Variants in THRB observed in about 807,000 individuals in gnomAD.
The protein encoded by THRB is thyroid hormone receptor beta, also known as nuclear receptor subfamily 1 group A member 2.
THRB carries 12 observed loss-of-function variants against 47.8 expected under a neutral mutation model. That is an observed-to-expected ratio of 0.25 (90% CI 0.16 to 0.41). THRB has a LOEUF of 0.41. Ranked by LOEUF, THRB falls within the 10% of genes least tolerant of loss-of-function variation. The pLI is 1.00. For synonymous variants in THRB, 218 were observed against 212.2 expected, an observed-to-expected ratio of 1.03 and a Z score of -0.24; for missense variants, 348 against 589.2, an observed-to-expected ratio of 0.59 and a Z score of 4.24.
At chr3:24,261,732 T>A (rs1230374911) in intron 3 of THRB, among the ~76,000 whole-genome samples, 1 of 152,194 alleles carries the variant, frequency 6.6e-6, no homozygotes, top group Non-Finnish European at 1.5e-5. Flanking sequence ...CCAAATCCTA[T>A]GCAATTCTTG....
intron 5 of THRB, among the ~76,000 whole-genome samples, chr3:24,178,742 T>C (rs2041499566): frequency 6.6e-6 from 1 of 151,762 alleles, no homozygotes; most frequent in African/African-American, 2.4e-5. Flanking sequence ...CAGACTAGAG[T>C]AGAATGGTGA....
Position 24,133,312 on chromosome 3 carries a change from T to G in THRB, c.885+4A>C, listed in dbSNP as rs113930382. The G allele has an allele frequency of 6.2e-7, 1 of 1,613,930 alleles. No homozygotes were observed. The highest frequency in any genetic ancestry group is 8.5e-7 in the Non-Finnish European group (1 of 1,179,934). ...TAATGCAGAAGGAAAAACAACATCC[T>G]CACCTCACAAAACATAGGCAACTTT... On this transcript the variant is annotated splice_donor_region_variant and intron_variant, in intron 9 of 10. Transcript: ENST00000646209.
At chr3:24,396,841 A>T (rs780363817) in intron 1 of THRB, among the ~76,000 whole-genome samples, 4 of 152,156 alleles carry the variant, frequency 2.6e-5, no homozygotes, top group Non-Finnish European at 4.4e-5. Context: ...AATGCTGGGA[A>T]AATGCAATGC....
intron 3 of THRB, among the ~76,000 whole-genome samples, chr3:24,279,585 C>CTTTTTTTTTT (rs2054320910): frequency 6.8e-6 from 1 of 147,762 alleles, no homozygotes. Flanking sequence ...TTAGTAGAGA[C>CTTTTTTTTTT]GGGGTTTCAC....
intron 1 of THRB, among the ~76,000 whole-genome samples, chr3:24,456,155 C>T (rs1327264672): frequency 6.6e-6 from 1 of 151,922 alleles, no homozygotes; most frequent in African/African-American, 2.4e-5. Context: ...ATAGTGAGGC[C>T]TAATCTCTAA....
At chr3:24,479,188 G>T (rs549425897) in intron 1 of THRB, among the ~76,000 whole-genome samples, 1 of 152,262 alleles carries the variant, frequency 6.6e-6, no homozygotes, top group African/African-American at 2.4e-5. Context: ...TGTAGTCCCA[G>T]CTACTCGGGA....
chr3:24,483,570 T>C (rs1696804827), intron 1 of THRB, among the ~76,000 whole-genome samples: 1 of 151,800 alleles, frequency 6.6e-6, no homozygotes, highest in Non-Finnish European at 1.5e-5. Context: ...CCCAACACTC[T>C]TTGCATACTA....
At chr3:24,309,169 C>T (rs1011341446) in intron 2 of THRB, among the ~76,000 whole-genome samples, 1 of 152,096 alleles carries the variant, frequency 6.6e-6, no homozygotes, top group African/African-American at 2.4e-5. Context: ...CCTCCTTGGC[C>T]TTTTTGTATA....
chr3:24,271,332 C>CA (rs1005530482), intron 3 of THRB, among the ~76,000 whole-genome samples: 3 of 152,064 alleles, frequency 2.0e-5, no homozygotes, highest in South Asian at 4.2e-4. Context: ...ATCAGCAGCT[C>CA]AAAAAAACAG....
intron 3 of THRB, among the ~76,000 whole-genome samples, chr3:24,288,592 T>C (rs2055581219): frequency 6.6e-6 from 1 of 152,196 alleles, no homozygotes; most frequent in Non-Finnish European, 1.5e-5. Context: ...AAAGGATGTT[T>C]TTACCGTGTT....
chr3:24,443,068 G>A (rs774196073), intron 1 of THRB, among the ~76,000 whole-genome samples: 10 of 151,756 alleles, frequency 6.6e-5, no homozygotes, highest in Non-Finnish European at 1.3e-4. Flanking sequence ...TGTAACCCCA[G>A]CTATTTGGGA....
intron 1 of THRB, among the ~76,000 whole-genome samples, chr3:24,390,291 G>T (rs781338132): frequency 3.3e-5 from 5 of 152,118 alleles, no homozygotes; most frequent in Admixed American, 2.0e-4. Flanking sequence ...ACACACTTTA[G>T]GTATATTCAC....
chr3:24,212,317 G>C (rs2046118765), intron 4 of THRB, among the ~76,000 whole-genome samples: 1 of 152,140 alleles, frequency 6.6e-6, no homozygotes. Context: ...AGAATCGCTT[G>C]AACCTGGGAG....
At chr3:24,453,599 T>G (rs2072882928) in intron 1 of THRB, among the ~76,000 whole-genome samples, 1 of 152,232 alleles carries the variant, frequency 6.6e-6, no homozygotes. Context: ...TCAATCTTCA[T>G]GAAACAGCTA....
chr3:24,278,322 G>A (rs1387520271), intron 3 of THRB, among the ~76,000 whole-genome samples: 1 of 152,136 alleles, frequency 6.6e-6, no homozygotes, highest in African/African-American at 2.4e-5. Context: ...AAAGAAATGA[G>A]AAATAATTTG....
intron 5 of THRB, among the ~76,000 whole-genome samples, chr3:24,185,923 TC>T (rs1287737256): frequency 6.6e-6 from 1 of 152,042 alleles, no homozygotes; most frequent in Non-Finnish European, 1.5e-5. Context: ...TCAGAAGGGC[TC>T]AAGTCCCAGG....
At chr3:24,383,919 C>T (rs1347249528) in intron 1 of THRB, among the ~76,000 whole-genome samples, 2 of 152,120 alleles carry the variant, frequency 1.3e-5, no homozygotes, top group Non-Finnish European at 2.9e-5. Flanking sequence ...CTTGATGGAA[C>T]TACTAGCTCC....
At chr3:24,184,497 CTCCCTTTGACAT>C (rs552194175) in intron 5 of THRB, among the ~76,000 whole-genome samples, 1 of 152,166 alleles carries the variant, frequency 6.6e-6, no homozygotes, top group Non-Finnish European at 1.5e-5. Context: ...TGATATCTAC[CTCCCTTTGACAT>C]TGCTGTTTCC....
chr3:24,261,625 T>C (rs2052040514), intron 3 of THRB, among the ~76,000 whole-genome samples: 1 of 152,166 alleles, frequency 6.6e-6, no homozygotes. Context: ...CCAATTTCTT[T>C]CCTGCCTTTT....
Sources: gnomAD v4.1 joint callset for allele counts (sites outside exome capture counted in the v4.1 genomes callset) on GRCh38, gnomAD v4.1.1 for gene constraint, MANE v1.5 for transcripts, NCBI Gene and HGNC (gene_info 2026-07-23, HGNC 2026-07-21) for gene names.